Variants in LRP4 observed in about 807,000 individuals in gnomAD.
LRP4 encodes the protein low-density lipoprotein receptor-related protein 4.
A neutral mutation model predicts 220.3 loss-of-function variants in LRP4; 95 were observed. The observed-to-expected ratio is 0.43, with a 90% CI of 0.37 to 0.51. LRP4 has a LOEUF of 0.51. Ranked by LOEUF, LRP4 falls within the 20% of genes least tolerant of loss-of-function variation. LRP4 has a pLI of 0.00. For missense variants in LRP4, 1,925 were observed against 2,567.0 expected (o/e 0.75, Z 5.40); for synonymous variants, 903 against 954.6 (o/e 0.95, Z 1.00).
chr11:46,887,519 T>C (rs1941322646), intron 16 of LRP4, among the ~76,000 whole-genome samples: 1 of 151,186 alleles, frequency 6.6e-6, no homozygotes, highest in Non-Finnish European at 1.5e-5. Flanking sequence ...AGCAACATAG[T>C]GGAACCCCGT....
Position 46,876,536 on chromosome 11 carries a change from A to G in LRP4, c.3466T>C (p.Ser1156Pro). Residue 1156 changes from serine (S) to proline (P), a missense_variant, in exon 25 of 38, where the codon TCC (serine) becomes CCC (proline). Physicochemically the swap from Ser to Pro is moderately conservative, Grantham distance 74. This residue lies in a region of LRP4 where 1,244 missense variants were observed against 1,624.9 expected (regional missense o/e 0.77). Transcript: ENST00000378623. ...NRIEVGNLDG[S>P]MRKVLVWQNL... ...TGCCACACCAACACTTTCCGCATGG[A>G]CCCGTCCAGGTTGCCCACTTCAATC... 6.2e-7 allele frequency: 1 copy of G among 1,613,826 alleles called. No individual in the cohort carries two copies. Among genetic ancestry groups the G allele is most frequent in the Non-Finnish European group, 8.5e-7 (1 of 1,179,970 alleles).
intron 37 of LRP4, chr11:46,860,980 T>G: frequency 2.0e-6 from 2 of 984,100 alleles, no homozygotes; most frequent in Non-Finnish European, 2.4e-6. Flanking sequence ...ATCAGAGGGG[T>G]GAAAGAGCTG....
At chr11:46,883,644 C>T (rs551385566) in intron 19 of LRP4, among the ~76,000 whole-genome samples, 4 of 152,344 alleles carry the variant, frequency 2.6e-5, no homozygotes, top group South Asian at 4.1e-4. Flanking sequence ...TCTTACTTCA[C>T]ACCTCTATAG....
intron 31 of LRP4, among the ~76,000 whole-genome samples, 199 bp downstream of exon 31, chr11:46,871,326 T>C (rs1246357718): frequency 6.6e-6 from 1 of 152,048 alleles, no homozygotes; most frequent in African/African-American, 2.4e-5. Context: ...TGCTAGAACA[T>C]GGGAATGGCA....
intron 16 of LRP4, among the ~76,000 whole-genome samples, chr11:46,888,796 C>A (rs545132198): frequency 9.2e-5 from 14 of 152,234 alleles, no homozygotes; most frequent in Non-Finnish European, 1.5e-4. Flanking sequence ...CTGGTCGTGC[C>A]ATATGCCCGG....
intron 18 of LRP4, among the ~76,000 whole-genome samples, chr11:46,884,600 C>G (rs905473974): frequency 5.9e-5 from 9 of 151,842 alleles, no homozygotes; most frequent in African/African-American, 1.9e-4. Flanking sequence ...AGCCAGGCGT[C>G]GTGGCGGGCA....
Position 46,875,891 on chromosome 11 carries a change from C to T in LRP4, c.3612G>A (p.Val1204=). 1 of 1,614,118 alleles carries T rather than the reference C, an allele frequency of 6.2e-7. No individual in the cohort carries two copies. The highest frequency in any genetic ancestry group is 8.5e-7 in the Non-Finnish European group (1 of 1,180,014). The change falls in exon 26 of 38, where the codon GTG becomes GTA. Residue 1204 remains valine, a synonymous_variant. Transcript: ENST00000378623. This position sits in a 1 kb window ranked among gnomAD's most constrained non-coding sequence, Gnocchi z 4.5. ...GCCATCCTAGGTTGTTGTTGATGAG[C>T]ACCGCGCGGTCTGAGCCATCCATTC... ...RSGMDGSDRA[V]LINNNLGWPN... is the part of the protein sequence containing the mutation.
At chr11:46,898,736 A>C in intron 6 of LRP4, 59 bp from the exon 7 acceptor site, 2 of 1,610,952 alleles carry the variant, frequency 1.2e-6, no homozygotes, top group Non-Finnish European at 1.7e-6. Context: ...ATGGCAGACT[A>C]GAAGGCCACA....
intron 16 of LRP4, 96 bp from the exon 17 acceptor site, chr11:46,886,629 C>T: frequency 3.8e-6 from 4 of 1,049,584 alleles, no homozygotes; most frequent in Non-Finnish European, 4.3e-6. Flanking sequence ...GGTTCAATCA[C>T]ACTTCCTGGG....
At chr11:46,897,996 C>G (rs1194991896) in intron 7 of LRP4, among the ~76,000 whole-genome samples, 2 of 143,158 alleles carry the variant, frequency 1.4e-5, no homozygotes, top group Admixed American at 1.4e-4. Flanking sequence ...GCTGGCCGGG[C>G]GGGGGGCTGA....
At chr11:46,868,915 C>T (rs1940782054) in intron 32 of LRP4, 73 bp downstream of exon 32, 1 of 1,598,158 alleles carries the variant, frequency 6.3e-7, no homozygotes, top group Non-Finnish European at 8.6e-7. Context: ...CTGTCTTGGT[C>T]CCTAACAGTC....
At chr11:46,870,187 T>C (rs1015817495) in intron 31 of LRP4, among the ~76,000 whole-genome samples, 6 of 151,702 alleles carry the variant, frequency 4.0e-5, no homozygotes, top group African/African-American at 1.5e-4. Context: ...GAGAATTGCT[T>C]GAATCTAGGA....
intron 36 of LRP4, among the ~76,000 whole-genome samples, chr11:46,863,178 G>A (rs1247112195): frequency 1.3e-5 from 2 of 152,088 alleles, no homozygotes; most frequent in African/African-American, 4.8e-5. Context: ...ATCCTTCCCC[G>A]GTCAAACCTT....
chr11:46,901,557 G>A (rs1023431553), intron 2 of LRP4, among the ~76,000 whole-genome samples: 4 of 152,092 alleles, frequency 2.6e-5, no homozygotes, highest in Non-Finnish European at 5.9e-5. Flanking sequence ...TTGTACCTCC[G>A]TTCCCATTAG....
intron 31 of LRP4, among the ~76,000 whole-genome samples, chr11:46,870,022 C>T (rs1402458996): frequency 6.6e-6 from 1 of 151,980 alleles, no homozygotes; most frequent in East Asian, 1.9e-4. Context: ...AGGAGAGTCA[C>T]TTGAACCCAG....
At chr11:46,900,521 G>T in intron 2 of LRP4, 143 bp from the exon 3 acceptor site, 1 of 684,274 alleles carries the variant, frequency 1.5e-6, no homozygotes, top group Non-Finnish European at 2.7e-6. Context: ...ACCCAGGTTG[G>T]AGTACAGTGG....
intron 1 of LRP4, among the ~76,000 whole-genome samples, chr11:46,910,986 T>C (rs1004059244): frequency 2.6e-5 from 4 of 152,144 alleles, no homozygotes; most frequent in African/African-American, 9.7e-5. Flanking sequence ...AATCTTTGCC[T>C]AATTTATCAC....
chr11:46,898,004 T>C (rs796812591), intron 7 of LRP4, among the ~76,000 whole-genome samples: 10 of 137,728 alleles, frequency 7.3e-5, no homozygotes, highest in Non-Finnish European at 1.6e-4. Context: ...GGCGGGGGGC[T>C]GACCCCCCAA....
rs560305254 is a variant in LRP4 at position 46,885,953 on chromosome 11, G to A, written c.2506+138C>T. 3.2e-4 allele frequency: 247 copies of A among 778,168 alleles called. 7 individuals are homozygous for A. In the South Asian group the frequency reaches 3.3e-3, roughly 10 times the overall value. The allele number at this position is 778,168 out of a possible 1,614,324, so 48.2% of individuals were successfully genotyped here. ...CACTTCGGCTCTGCAGCAGCCCTCC[G>A]GCTTCTGACCTACCAAGGACTTGAA... On this transcript the variant is annotated intron_variant, in intron 18 of 37. Transcript: ENST00000378623.
Sources: gnomAD v4.1 joint callset for allele counts (sites outside exome capture counted in the v4.1 genomes callset) on GRCh38, gnomAD v4.1.1 for gene constraint, gnomAD v4.1.1 regional missense constraint, Gnocchi (gnomAD v3.1) non-coding constraint, MANE v1.5 for transcripts, NCBI Gene and HGNC (gene_info 2026-07-23, HGNC 2026-07-21) for gene names.